Variants in FGF12 observed in about 807,000 individuals in gnomAD.
The protein encoded by FGF12 is fibroblast growth factor 12B.
A neutral mutation model predicts 23.6 loss-of-function variants in FGF12; 14 were observed. The observed-to-expected ratio is 0.59, with a 90% CI of 0.39 to 0.93. FGF12 has a LOEUF of 0.93. FGF12 is among the 40% of genes least tolerant of loss of function. The pLI is 0.00. For missense variants in FGF12, 175 were observed against 217.8 expected (o/e 0.80, Z 1.24); for synonymous variants, 62 against 77.3 (o/e 0.80, Z 1.04).
rs139637753 is a variant in FGF12 at position 192,408,773 on chromosome 3, C to T, written c.14-48235G>A. 1.0e-6 allele frequency: 1 copy of T among 985,916 alleles called. No individual in the cohort carries two copies. The highest frequency in any genetic ancestry group is 1.2e-6 in the Non-Finnish European group (1 of 830,322). The allele number at this position is 985,916 out of a possible 1,614,324, so 61.1% of individuals were successfully genotyped here. ...ATACTAAAAAGTGAATAAAACGTTCCTTTAGAAAACAAGCCACCAACCGCA... is the reference window on the plus strand; with the variant it reads ...ATACTAAAAAGTGAATAAAACGTTCTTTTAGAAAACAAGCCACCAACCGCA... On this transcript the variant is annotated intron_variant, in intron 2 of 5. Transcript: ENST00000445105. The surrounding 1 kb of genome is among the most constrained non-coding windows in gnomAD (Gnocchi z 7.3).
chr3:192,419,696 G>T (rs1476641950), intron 2 of FGF12, among the ~76,000 whole-genome samples: 1 of 152,056 alleles, frequency 6.6e-6, no homozygotes, highest in African/African-American at 2.4e-5. Context: ...CATTTTAAAG[G>T]ACATAAAAAA....
At chr3:192,460,084 T>C (rs73068396) in intron 2 of FGF12, among the ~76,000 whole-genome samples, 8,676 of 152,090 alleles carry the variant, frequency 0.057, 823 homozygotes, top group African/African-American at 0.2. Flanking sequence ...GAAGAGTTGG[T>C]GGGTGAGAAG....
rs192075920 is a variant in FGF12 at position 192,677,339 on chromosome 3, A to G, written c.13+49842T>C. On this transcript the variant is annotated intron_variant, in intron 2 of 5. Transcript: ENST00000445105. ...GACCGTAGCCTTCCCCCTATTCCTGATCTCACCTATACAGATGAGTAGGCC... is the reference window on the plus strand; with the variant it reads ...GACCGTAGCCTTCCCCCTATTCCTGGTCTCACCTATACAGATGAGTAGGCC... Among the ~76,000 whole-genome samples, 6 of 152,260 alleles carry G rather than the reference A, an allele frequency of 3.9e-5. No homozygotes were observed. In the East Asian group the frequency reaches 9.7e-4, roughly 25 times the overall value.
rs1479995324 is a variant in FGF12, at chr3:192,303,712, ATCACT to A, written c.228+31644_228+31648del. ...ACACCTAAAGGTGACTGTTAGTTTT[ATCACT>A]TACTGCCCATGTGTTCTGAGGCATG... On this transcript the variant is annotated intron_variant, in intron 4 of 5. Coordinates refer to ENST00000445105, the MANE Select transcript of FGF12 (RefSeq NM_004113.6). Among the ~76,000 whole-genome samples, 13 of 151,774 alleles carry A rather than the reference ATCACT, an allele frequency of 8.6e-5. No homozygotes were observed. In the East Asian group the frequency reaches 2.5e-3, roughly 29 times the overall value.
At chr3:192,466,173 T>C (rs1723006582) in intron 2 of FGF12, among the ~76,000 whole-genome samples, 1 of 152,164 alleles carries the variant, frequency 6.6e-6, no homozygotes, top group African/African-American at 2.4e-5. Flanking sequence ...CAGCAGTAAG[T>C]ATTAGTGTAT....
intron 2 of FGF12, among the ~76,000 whole-genome samples, chr3:192,686,446 G>T (rs1306926423): frequency 6.6e-6 from 1 of 152,078 alleles, no homozygotes. Flanking sequence ...CCCAAAAAGT[G>T]TCCAGTTTGG....
chr3:192,317,228 C>A (rs769439950), intron 4 of FGF12, among the ~76,000 whole-genome samples: 2 of 151,914 alleles, frequency 1.3e-5, no homozygotes, highest in Non-Finnish European at 2.9e-5. Flanking sequence ...GCTTCTCTTG[C>A]AGCTTAGGCA....
At chr3:192,566,022 G>C (rs967996678) in intron 2 of FGF12, among the ~76,000 whole-genome samples, 1 of 152,246 alleles carries the variant, frequency 6.6e-6, no homozygotes, top group Non-Finnish European at 1.5e-5. Flanking sequence ...GGAAGCAGAG[G>C]TTGCGGTGAG....
At chr3:192,597,967 A>G (rs1171114333) in intron 2 of FGF12, among the ~76,000 whole-genome samples, 3 of 152,180 alleles carry the variant, frequency 2.0e-5, no homozygotes, top group Non-Finnish European at 2.9e-5. Context: ...GTGGGTAACG[A>G]AGGTTGGGTT....
chr3:192,593,655 A>C (rs1713719949), intron 2 of FGF12, among the ~76,000 whole-genome samples: 1 of 151,932 alleles, frequency 6.6e-6, no homozygotes, highest in African/African-American at 2.4e-5. Flanking sequence ...TAAACAAACA[A>C]ACGAACCGAA....
chr3:192,406,689 A>C (rs2108774901), intron 2 of FGF12, among the ~76,000 whole-genome samples: 1 of 152,348 alleles, frequency 6.6e-6, no homozygotes, highest in Non-Finnish European at 1.5e-5. Flanking sequence ...TCACAAAATA[A>C]GAAAATGAGC....
chr3:192,354,857 C>A (rs1158193197), intron 3 of FGF12, among the ~76,000 whole-genome samples: 1 of 152,236 alleles, frequency 6.6e-6, no homozygotes, highest in South Asian at 2.1e-4. Context: ...AGGCATGCAC[C>A]ACCGTGCCTG....
At chr3:192,642,064 G>GT (rs1198883805) in intron 2 of FGF12, among the ~76,000 whole-genome samples, 5 of 152,178 alleles carry the variant, frequency 3.3e-5, no homozygotes, top group Admixed American at 6.5e-5. Flanking sequence ...ATCCTTCTGT[G>GT]TTTTGGTTAT....
chr3:192,341,086 A>G (rs919419123), intron 3 of FGF12, among the ~76,000 whole-genome samples: 4 of 152,162 alleles, frequency 2.6e-5, no homozygotes, highest in Non-Finnish European at 5.9e-5. Flanking sequence ...TATCCAGAAT[A>G]CATAAGAAAC....
At chr3:192,504,729 G>C (rs1232759188) in intron 2 of FGF12, among the ~76,000 whole-genome samples, 3 of 152,110 alleles carry the variant, frequency 2.0e-5, no homozygotes, top group African/African-American at 7.2e-5. Context: ...CTACTATTGG[G>C]GTTCAACAAA....
intron 2 of FGF12, among the ~76,000 whole-genome samples, chr3:192,489,519 G>C (rs777200807): frequency 1.3e-5 from 2 of 151,994 alleles, no homozygotes; most frequent in Non-Finnish European, 2.9e-5. Context: ...ATCAACGCAA[G>C]CCAAACTTAA....
chr3:192,446,007 T>C (rs1722343149), intron 2 of FGF12, among the ~76,000 whole-genome samples: 1 of 152,208 alleles, frequency 6.6e-6, no homozygotes, highest in Non-Finnish European at 1.5e-5. Flanking sequence ...CTAGCAATTG[T>C]GTCATTAAAC....
chr3:192,158,380 T>TTC (rs1339632391), intron 5 of FGF12, among the ~76,000 whole-genome samples: 1 of 116,784 alleles, frequency 8.6e-6, no homozygotes, highest in Admixed American at 8.8e-5. Flanking sequence ...CTTTCTTTCT[T>TTC]TCTTTTCTTT....
chr3:192,642,010 G>T (rs902106656), intron 2 of FGF12, among the ~76,000 whole-genome samples: 1 of 152,138 alleles, frequency 6.6e-6, no homozygotes, highest in Non-Finnish European at 1.5e-5. Context: ...TGCAAACAGC[G>T]TATCTTTTGT....
Sources: allele counts gnomAD v4.1 joint callset (sites outside exome capture counted in the v4.1 genomes callset), GRCh38; gene constraint gnomAD v4.1.1; non-coding constraint Gnocchi (gnomAD v3.1); transcripts MANE v1.5; gene names NCBI Gene and HGNC (gene_info 2026-07-23, HGNC 2026-07-21).